MRPS27: variants seen among roughly 807,000 people sequenced by gnomAD.
MRPS27 encodes the protein small ribosomal subunit protein mS27.
MRPS27 carries 43 observed loss-of-function variants against 48.9 expected under a neutral mutation model. The observed-to-expected ratio is 0.88, with a 90% CI of 0.69 to 1.13. The LOEUF is 1.13. Ranked by LOEUF, MRPS27 falls within the 50% of genes most tolerant of loss-of-function variation. The pLI, the probability that MRPS27 is intolerant of heterozygous loss-of-function variation, is 0.00. For missense variants in MRPS27, 467 were observed against 476.3 expected (o/e 0.98, Z 0.18); for synonymous variants, 188 against 171.9 (o/e 1.09, Z -0.73).
chr5:72,253,835 C>T (rs1445990483), intron 4 of MRPS27, among the ~76,000 whole-genome samples: 1 of 152,180 alleles, frequency 6.6e-6, no homozygotes, highest in African/African-American at 2.4e-5. Flanking sequence ...AAAGTCACTA[C>T]TCAGGATTAC....
At chr5:72,284,359 G>C (rs1172441463) in intron 4 of MRPS27, among the ~76,000 whole-genome samples, 1 of 151,714 alleles carries the variant, frequency 6.6e-6, no homozygotes, top group Admixed American at 6.6e-5. Flanking sequence ...GGGAAGTTGA[G>C]GGTACAGTGA....
intron 10 of MRPS27, chr5:72,222,666 C>T (rs1747779698): frequency 6.6e-6 from 1 of 152,114 alleles, no homozygotes; most frequent in Admixed American, 6.6e-5. Flanking sequence ...TGTAAATACA[C>T]AAGATTAAGC....
At chr5:72,312,273 A>G (rs1397851060) in intron 2 of MRPS27, among the ~76,000 whole-genome samples, 5 of 152,204 alleles carry the variant, frequency 3.3e-5, no homozygotes, top group African/African-American at 1.2e-4. Flanking sequence ...TTTTCATATA[A>G]GCAAAGTTTT....
At chr5:72,253,867 A>C (rs1748727101) in intron 4 of MRPS27, among the ~76,000 whole-genome samples, 1 of 152,226 alleles carries the variant, frequency 6.6e-6, no homozygotes, top group Admixed American at 6.5e-5. Context: ...AAAGATACTT[A>C]AATCAAGCTT....
intron 4 of MRPS27, among the ~76,000 whole-genome samples, chr5:72,259,585 T>A (rs570949904): frequency 6.6e-6 from 1 of 152,262 alleles, no homozygotes; most frequent in South Asian, 2.1e-4. Flanking sequence ...GTAATTTTCA[T>A]ATAAATTAAT....
In MRPS27 at chr5:72,219,465, A is replaced by G. The variant is rs549094133; in HGVS notation, c.*1444T>C. On this transcript the variant is annotated 3_prime_UTR_variant, in exon 11 of 11. Coordinates refer to ENST00000261413, the MANE Select transcript of MRPS27 (RefSeq NM_015084.3). Reference sequence around the variant, plus strand: ...GGTTTAAAGTACACTCCTCAAAATCATAGTAACAATAATGAGTCCCTCTCC... The same window carrying G: ...GGTTTAAAGTACACTCCTCAAAATCGTAGTAACAATAATGAGTCCCTCTCC... 160 of 152,322 alleles carry G rather than the reference A, an allele frequency of 1.1e-3. No individual in the cohort carries two copies. The highest frequency in any genetic ancestry group is 3.8e-3 in the African/African-American group (157 of 41,562). 9.4% of individuals were successfully genotyped at this position (152,322 alleles called of 1,614,324 possible).
At chr5:72,244,004 T>G (rs1051088144) in intron 4 of MRPS27, among the ~76,000 whole-genome samples, 1 of 152,194 alleles carries the variant, frequency 6.6e-6, no homozygotes, top group Non-Finnish European at 1.5e-5. Flanking sequence ...GATCTAGAGT[T>G]ATTAATTTTG....
chr5:72,271,472 T>C (rs1749239805), intron 4 of MRPS27, among the ~76,000 whole-genome samples: 1 of 152,120 alleles, frequency 6.6e-6, no homozygotes, highest in Admixed American at 6.5e-5. Flanking sequence ...AAAGGCAATC[T>C]TAAAAAACAA....
intron 8 of MRPS27, 75 bp from the exon 9 acceptor site, chr5:72,226,274 C>T (rs1210596727): frequency 1.9e-6 from 3 of 1,557,684 alleles, no homozygotes; most frequent in Non-Finnish European, 2.6e-6. Context: ...ACCTGAAGGC[C>T]CAAGTGAATG....
chr5:72,225,958 G>T, intron 9 of MRPS27, 99 bp downstream of exon 9: 1 of 1,387,866 alleles, frequency 7.2e-7, no homozygotes, highest in Non-Finnish European at 9.7e-7. Flanking sequence ...TAGACATATA[G>T]AAAGTAGGGG....
chr5:72,228,366 C>G lies in MRPS27; in HGVS notation c.594G>C (p.Trp198Cys). The change falls in exon 8 of 11, where the codon TGG (tryptophan) becomes TGC (cysteine). Residue 198 changes from tryptophan to cysteine, a missense_variant and splice_region_variant. Transcript: ENST00000261413. ...HCLAKKTDFS[W>C]EEERNFGASL... Reference sequence around the variant, plus strand: ...ATGCACCAAAGTTCCTCTCCTCTTCCCACTGCAACAGAATATACTGGATCA... The same window carrying G: ...ATGCACCAAAGTTCCTCTCCTCTTCGCACTGCAACAGAATATACTGGATCA... The G allele has an allele frequency of 6.2e-7, 1 of 1,606,878 alleles. No individual in the cohort carries two copies. The highest frequency in any genetic ancestry group is 2.2e-5 in the East Asian group (1 of 44,828).
At chr5:72,251,670 A>G (rs1748670507) in intron 4 of MRPS27, among the ~76,000 whole-genome samples, 2 of 152,200 alleles carry the variant, frequency 1.3e-5, no homozygotes, top group Admixed American at 1.3e-4. Flanking sequence ...GTGGATGCCT[A>G]TGGAGGATAA....
At chr5:72,249,710 A>T (rs1468606596) in intron 4 of MRPS27, among the ~76,000 whole-genome samples, 1 of 140,512 alleles carries the variant, frequency 7.1e-6, no homozygotes, top group East Asian at 2.2e-4. Flanking sequence ...GGCTGGGCGC[A>T]GTGGTTCACG....
chr5:72,235,523 A>G (rs1298472059), intron 5 of MRPS27, among the ~76,000 whole-genome samples: 3 of 152,136 alleles, frequency 2.0e-5, no homozygotes, highest in Admixed American at 2.0e-4. Flanking sequence ...CGGTTTGTCA[A>G]CGTAAGTTCA....
chr5:72,288,951 G>C (rs1388622150), intron 4 of MRPS27: 1 of 152,198 alleles, frequency 6.6e-6, no homozygotes, highest in Non-Finnish European at 1.5e-5. Context: ...GGCAGAAATG[G>C]ATTTTTACAA....
chr5:72,235,987 T>A (rs1402119982), intron 5 of MRPS27, among the ~76,000 whole-genome samples: 1 of 152,164 alleles, frequency 6.6e-6, no homozygotes, highest in Non-Finnish European at 1.5e-5. Context: ...GCTTTTGAAC[T>A]GAGGCCTTTC....
chr5:72,287,863 T>C (rs1343744091), intron 4 of MRPS27, among the ~76,000 whole-genome samples: 1 of 152,178 alleles, frequency 6.6e-6, no homozygotes, highest in Non-Finnish European at 1.5e-5. Flanking sequence ...TCTTAAAAAG[T>C]TAAACATTTA....
intron 4 of MRPS27, among the ~76,000 whole-genome samples, chr5:72,242,754 A>G (rs1748395356): frequency 6.6e-6 from 1 of 152,154 alleles, no homozygotes; most frequent in East Asian, 1.9e-4. Context: ...GGGGGGAAAA[A>G]AAAGGAAAAT....
intron 2 of MRPS27, among the ~76,000 whole-genome samples, chr5:72,307,577 A>G (rs1750306777): frequency 6.6e-6 from 1 of 152,168 alleles, no homozygotes; most frequent in South Asian, 2.1e-4. Context: ...TAATAAAGAT[A>G]AAATAAAGAC....
Sources: allele counts gnomAD v4.1 joint callset (sites outside exome capture counted in the v4.1 genomes callset), GRCh38; gene constraint gnomAD v4.1.1; transcripts MANE v1.5; gene names NCBI Gene and HGNC (gene_info 2026-07-23, HGNC 2026-07-21).